CDK8: variants seen among roughly 807,000 people sequenced by gnomAD.
CDK8 encodes cyclin dependent kinase 8.
CDK8 carries 29 observed loss-of-function variants against 71.5 expected under a neutral mutation model. The observed-to-expected ratio is 0.41, with a 90% CI of 0.30 to 0.55. The LOEUF (loss-of-function observed/expected upper bound fraction) is 0.55. Among genes scored for constraint, CDK8 ranks in the 20% least tolerant of loss-of-function variants. The probability of loss-of-function intolerance (pLI) is 0.37; values close to 1 mark genes in which losing one functional copy is unlikely to be tolerated. For missense variants in CDK8, 288 were observed against 572.6 expected (o/e 0.50, Z 5.07); for synonymous variants, 161 against 192.1 (o/e 0.84, Z 1.34).
intron 10 of CDK8, among the ~76,000 whole-genome samples, chr13:26,400,778 A>C (rs1474418845): frequency 1.3e-5 from 2 of 152,112 alleles, no homozygotes; most frequent in African/African-American, 2.4e-5. Context: ...CATTAGTTTC[A>C]GTAGTGATCC....
chr13:26,273,266 CA>C (rs1872414008), intron 1 of CDK8, among the ~76,000 whole-genome samples: 2 of 152,276 alleles, frequency 1.3e-5, no homozygotes, highest in South Asian at 4.1e-4. Flanking sequence ...GCTGGTACTA[CA>C]CTGTCTTCAT....
intron 1 of CDK8, among the ~76,000 whole-genome samples, chr13:26,279,184 A>G (rs1326765847): frequency 6.6e-6 from 1 of 152,186 alleles, no homozygotes; most frequent in Non-Finnish European, 1.5e-5. Context: ...ATGCCAGTTG[A>G]TAAAATGTAG....
intron 4 of CDK8, chr13:26,359,397 T>C (rs1874035968): frequency 6.5e-6 from 1 of 155,016 alleles, no homozygotes; most frequent in African/African-American, 2.4e-5. Flanking sequence ...CGGGAGAAAA[T>C]ATGTTTAAGT....
chr13:26,393,646 C>G (rs1350012412), intron 7 of CDK8, 136 bp downstream of exon 7: 3 of 857,218 alleles, frequency 3.5e-6, no homozygotes, highest in Non-Finnish European at 5.4e-6. Context: ...TTGCATTTAT[C>G]AAAGATCCGT....
At chr13:26,366,117 C>T (rs1335038470) in intron 4 of CDK8, among the ~76,000 whole-genome samples, 1 of 152,082 alleles carries the variant, frequency 6.6e-6, no homozygotes, top group African/African-American at 2.4e-5. Flanking sequence ...TTTCTTTTAT[C>T]TCAGCTAAAG....
rs531614695 is a variant in CDK8, at chr13:26,364,525, TTA to T, written c.456+10650_456+10651del. On this transcript the variant is annotated intron_variant, in intron 4 of 12. Transcript: ENST00000381527. ...CATTTTGAATAGCGGTTAGGAGGGA[TTA>T]TATAATCAGTAGAATTTAAGGAAAG... Among the ~76,000 whole-genome samples the T allele has an allele frequency of 4.6e-5, 7 of 152,220 alleles. No homozygotes were observed. The East Asian group carries it at 1.4e-3, about 29-fold the overall frequency.
chr13:26,378,928 A>G (rs935386453), intron 4 of CDK8, among the ~76,000 whole-genome samples: 1 of 152,244 alleles, frequency 6.6e-6, no homozygotes, highest in Non-Finnish European at 1.5e-5. Context: ...TACTAAAACA[A>G]AAATTATTCA....
chr13:26,258,786 T>C (rs959940939), intron 1 of CDK8, among the ~76,000 whole-genome samples: 19 of 152,122 alleles, frequency 1.2e-4, no homozygotes, highest in African/African-American at 4.6e-4. Flanking sequence ...CACTAAAAAA[T>C]TTTACTTTAG....
intron 1 of CDK8, among the ~76,000 whole-genome samples, chr13:26,268,662 A>T (rs1872152778): frequency 6.6e-6 from 1 of 151,966 alleles, no homozygotes; most frequent in African/African-American, 2.4e-5. Flanking sequence ...GGTGGGGATT[A>T]AAAAAAACTC....
chr13:26,275,515 C>T (rs1032797438), intron 1 of CDK8, among the ~76,000 whole-genome samples: 3 of 152,110 alleles, frequency 2.0e-5, no homozygotes, highest in Non-Finnish European at 4.4e-5. Context: ...TGCACCTGTA[C>T]GTCTCATGTA....
At chr13:26,262,758 T>C (rs1006601142) in intron 1 of CDK8, among the ~76,000 whole-genome samples, 2 of 152,272 alleles carry the variant, frequency 1.3e-5, no homozygotes, top group Non-Finnish European at 2.9e-5. Context: ...TGAATCACAG[T>C]TGGCATTTAA....
chr13:26,323,334 AGAGAGGGAGAGGGAGAGG>A (rs57361188), intron 1 of CDK8, among the ~76,000 whole-genome samples: 1,346 of 127,448 alleles, frequency 0.011, 17 homozygotes, highest in Non-Finnish European at 0.015. Flanking sequence ...AGAGGGAGAG[AGAGAGGGAGAGGGAGAGG>A]GAGAGGGAGA....
intron 1 of CDK8, among the ~76,000 whole-genome samples, chr13:26,283,125 C>T (rs1872834939): frequency 6.6e-6 from 1 of 152,186 alleles, no homozygotes; most frequent in Non-Finnish European, 1.5e-5. Flanking sequence ...TCTAATACTC[C>T]ATTGACAGCA....
chr13:26,352,897 A>G (rs1472729844), intron 3 of CDK8, among the ~76,000 whole-genome samples: 1 of 152,200 alleles, frequency 6.6e-6, no homozygotes, highest in Admixed American at 6.5e-5. Context: ...TATGTCTACT[A>G]ATTTCAAGAA....
rs904703687 is a variant in CDK8 at position 26,352,448 on chromosome 13, C to T, written c.316-1292C>T. On this transcript the variant is annotated intron_variant, in intron 3 of 12. Transcript: ENST00000381527. The stretch of plus-strand genomic sequence containing the variant: ...AGCCAGGATGGTCTTGATCTCCTGA[C>T]CTCGTGATCCACCCGCCTCAGCCTC... 7.2e-5 allele frequency among the ~76,000 whole-genome samples: 11 copies of T among 152,248 alleles called. No homozygotes were observed. The South Asian group carries it at 2.3e-3, about 32-fold the overall frequency.
At chr13:26,276,292 T>G (rs1038807250) in intron 1 of CDK8, among the ~76,000 whole-genome samples, 1 of 152,360 alleles carries the variant, frequency 6.6e-6, no homozygotes. Context: ...AAATTTTGTT[T>G]TCCTAATATT....
At chr13:26,350,490 G>C (rs779399597) in intron 3 of CDK8, among the ~76,000 whole-genome samples, 1 of 152,136 alleles carries the variant, frequency 6.6e-6, no homozygotes, top group Non-Finnish European at 1.5e-5. Context: ...AAAAAAATTA[G>C]CTGGGCTCAG....
intron 6 of CDK8, among the ~76,000 whole-genome samples, chr13:26,389,635 G>A (rs1050502616): frequency 6.6e-6 from 1 of 151,998 alleles, no homozygotes; most frequent in African/African-American, 2.4e-5. Context: ...TCAGTCTTGG[G>A]GAACACTTTC....
intron 4 of CDK8, among the ~76,000 whole-genome samples, chr13:26,360,931 A>G (rs985950927): frequency 3.3e-5 from 5 of 150,186 alleles, no homozygotes; most frequent in African/African-American, 1.3e-4. Flanking sequence ...TACTACTCAG[A>G]AGAACTCAGC....
Sources: gnomAD v4.1 joint callset for allele counts (sites outside exome capture counted in the v4.1 genomes callset) on GRCh38, gnomAD v4.1.1 for gene constraint, MANE v1.5 for transcripts, NCBI Gene and HGNC (gene_info 2026-07-23, HGNC 2026-07-21) for gene names.